The following CRTAC1 variants were observed in gnomAD, a reference collection of about 807,000 sequenced individuals.
CRTAC1 encodes the protein acidic secreted protein in cartilage.
CRTAC1 carries 37 observed loss-of-function variants against 67.8 expected under a neutral mutation model. The observed-to-expected ratio is 0.55, with a 90% CI of 0.42 to 0.72. The LOEUF is 0.72. Ranked by LOEUF, CRTAC1 falls within the 30% of genes least tolerant of loss-of-function variation. The pLI, the probability that CRTAC1 is intolerant of heterozygous loss-of-function variation, is 0.00. For missense variants in CRTAC1, 780 were observed against 931.6 expected (o/e 0.84, Z 2.12); for synonymous variants, 348 against 371.0 (o/e 0.94, Z 0.71).
intron 11 of CRTAC1, among the ~76,000 whole-genome samples, chr10:97,889,576 T>C (rs2050336914): frequency 6.6e-6 from 1 of 151,924 alleles, no homozygotes; most frequent in Non-Finnish European, 1.5e-5. Context: ...TCATTACCCA[T>C]GGACGGAGGT....
chr10:97,883,615 A>T (rs1214968377), intron 12 of CRTAC1, among the ~76,000 whole-genome samples: 2 of 152,104 alleles, frequency 1.3e-5, no homozygotes, highest in Non-Finnish European at 2.9e-5. Context: ...GCCAGTTTCT[A>T]CTCATCCTGA....
chr10:97,977,765 TAACTC>T (rs903993682), intron 2 of CRTAC1, among the ~76,000 whole-genome samples: 1 of 152,154 alleles, frequency 6.6e-6, no homozygotes, highest in African/African-American at 2.4e-5. Context: ...AAACTTGAAA[TAACTC>T]AACAAGTTCC....
At position 98,011,321 on chromosome 10, in the gene CRTAC1, G is replaced by A. The variant is rs768959000; in HGVS notation, c.41C>T (p.Pro14Leu). 12 of 1,613,818 alleles carry A rather than the reference G, an allele frequency of 7.4e-6. No individual in the cohort carries two copies. Among genetic ancestry groups the A allele is most frequent in the South Asian group, 1.1e-5 (1 of 91,048 alleles). The change falls in exon 2 of 15, where the codon CCG becomes CTG. Residue 14 changes from proline (P) to leucine (L), a missense_variant. Coordinates refer to ENST00000370597, the MANE Select transcript of CRTAC1 (RefSeq NM_018058.7). ...CAGAAACCAGAGCAGCAGCAGGAAC[G>A]GTAACATCCTGGACATCTGAAACCA... ...SADPGMSRML[P>L]FLLLLWFLPI...
chr10:97,949,262 C>G (rs2051312517), intron 2 of CRTAC1, among the ~76,000 whole-genome samples: 1 of 152,210 alleles, frequency 6.6e-6, no homozygotes, highest in Non-Finnish European at 1.5e-5. Context: ...GGATGTCAGG[C>G]CAACTCAAGG....
At chr10:97,997,793 T>C (rs1422950948) in intron 2 of CRTAC1, among the ~76,000 whole-genome samples, 2 of 152,104 alleles carry the variant, frequency 1.3e-5, no homozygotes, top group Non-Finnish European at 2.9e-5. Context: ...TTAGATGCAA[T>C]TGAAGAAATA....
intron 14 of CRTAC1, chr10:97,867,574 C>T (rs2050042860): frequency 6.6e-6 from 1 of 152,414 alleles, no homozygotes; most frequent in Admixed American, 6.5e-5. Flanking sequence ...TGGAGAGCCG[C>T]AGTTCAGTGG....
intron 2 of CRTAC1, among the ~76,000 whole-genome samples, chr10:97,937,344 G>T (rs1017292530): frequency 6.6e-6 from 1 of 151,918 alleles, no homozygotes; most frequent in African/African-American, 2.4e-5. Flanking sequence ...GGGCTTGCCT[G>T]CCCATGCTCC....
At chr10:97,996,209 C>A (rs1481798910) in intron 2 of CRTAC1, among the ~76,000 whole-genome samples, 1 of 151,902 alleles carries the variant, frequency 6.6e-6, no homozygotes, top group Non-Finnish European at 1.5e-5. Flanking sequence ...AAAGCAATGG[C>A]AACAGAAGCC....
In CRTAC1 at chr10:97,919,829, G is replaced by C. The variant is rs188026961; in HGVS notation, c.559-2173C>G. ...TGTCACTCAGGCTCACTGCAGCTTC[G>C]ACTGGGTTCAAGTGATCCTCCCACT... is the stretch of plus-strand genomic sequence containing the variant. On this transcript the variant is annotated intron_variant, in intron 4 of 14. Coordinates refer to ENST00000370597, the MANE Select transcript of CRTAC1 (RefSeq NM_018058.7). Among the ~76,000 whole-genome samples, 9 of 133,278 alleles carry C rather than the reference G, an allele frequency of 6.8e-5. No homozygotes were observed. The East Asian group carries it at 2.2e-3, about 33-fold the overall frequency. 87.4% of individuals were successfully genotyped at this position (133,278 alleles called of 152,430 possible). A position where few individuals can be genotyped will look rare whatever the true frequency, so the allele number is the denominator to read the frequency against.
chr10:97,996,708 A>G (rs1207722258), intron 2 of CRTAC1, among the ~76,000 whole-genome samples: 1 of 152,226 alleles, frequency 6.6e-6, no homozygotes, highest in African/African-American at 2.4e-5. Flanking sequence ...TAGAAATACC[A>G]TTTGACCCAG....
chr10:97,906,149 CCTGGGGGAGAGAAGGAG>C (rs2050608598), intron 6 of CRTAC1, among the ~76,000 whole-genome samples: 1 of 152,060 alleles, frequency 6.6e-6, no homozygotes, highest in Non-Finnish European at 1.5e-5. Flanking sequence ...TGAGTGTCCT[CCTGGGGGAGAGAAGGAG>C]CTGGGGGAGG....
intron 3 of CRTAC1, among the ~76,000 whole-genome samples, chr10:97,934,485 T>A (rs1033602397): frequency 6.6e-6 from 1 of 150,652 alleles, no homozygotes; most frequent in African/African-American, 2.4e-5. Context: ...CCCCTGCCCC[T>A]GGCATAAGCC....
intron 2 of CRTAC1, among the ~76,000 whole-genome samples, chr10:97,941,089 C>T (rs1411962680): frequency 6.6e-6 from 1 of 151,288 alleles, no homozygotes; most frequent in African/African-American, 2.4e-5. Context: ...CACAGCTTTT[C>T]CTGCTACCAT....
chr10:97,887,196 C>G (rs1288958743), intron 11 of CRTAC1, among the ~76,000 whole-genome samples: 4 of 150,100 alleles, frequency 2.7e-5, no homozygotes, highest in African/African-American at 9.9e-5. Context: ...TAGACAATCA[C>G]AGATTTGCAT....
chr10:98,026,778 T>G (rs1411484375), intron 1 of CRTAC1, among the ~76,000 whole-genome samples: 1 of 152,170 alleles, frequency 6.6e-6, no homozygotes, highest in Non-Finnish European at 1.5e-5. Flanking sequence ...GAATTCTGGC[T>G]TGGCAGCAGT....
At chr10:97,909,774 T>C (rs527347853) in intron 5 of CRTAC1, among the ~76,000 whole-genome samples, 1 of 152,360 alleles carries the variant, frequency 6.6e-6, no homozygotes, top group South Asian at 2.1e-4. Flanking sequence ...TGCAGCATTA[T>C]TCACAATAGC....
intron 4 of CRTAC1, among the ~76,000 whole-genome samples, chr10:97,920,288 T>C (rs1021940672): frequency 1.3e-5 from 2 of 152,210 alleles, no homozygotes; most frequent in Admixed American, 6.5e-5. Context: ...CCTAGTTCCT[T>C]ACTTTGATTT....
chr10:97,921,768 C>T (rs959534630), intron 4 of CRTAC1, among the ~76,000 whole-genome samples: 2 of 152,158 alleles, frequency 1.3e-5, no homozygotes. Flanking sequence ...CAGAAAGCAA[C>T]CCTCCTCTGC....
chr10:98,024,024 CACA>C (rs977641666), intron 1 of CRTAC1, among the ~76,000 whole-genome samples: 9 of 152,226 alleles, frequency 5.9e-5, no homozygotes, highest in African/African-American at 2.2e-4. Context: ...TTAAAATTTG[CACA>C]ACATGATGCT....
Sources: gnomAD v4.1 joint callset for allele counts (sites outside exome capture counted in the v4.1 genomes callset) on GRCh38, gnomAD v4.1.1 for gene constraint, MANE v1.5 for transcripts, NCBI Gene and HGNC (gene_info 2026-07-23, HGNC 2026-07-21) for gene names.